The following LIMA1 variants were observed in gnomAD, a reference collection of about 807,000 sequenced individuals.
The protein encoded by LIMA1 is LIM domain and actin-binding protein 1.
A neutral mutation model predicts 62.6 loss-of-function variants in LIMA1; 52 were observed. The observed-to-expected ratio is 0.83, with a 90% confidence interval of 0.67 to 1.05. The LOEUF (loss-of-function observed/expected upper bound fraction) is 1.05. Among genes scored for constraint, LIMA1 ranks in the 50% least tolerant of loss-of-function variants. LIMA1 has a pLI of 0.00. For synonymous variants in LIMA1, 302 were observed against 317.8 expected (o/e 0.95, Z 0.53); for missense variants, 780 against 902.2 (o/e 0.86, Z 1.74).
chr12:50,266,579 A>C (rs575889753), intron 1 of LIMA1, among the ~76,000 whole-genome samples: 21 of 152,330 alleles, frequency 1.4e-4, no homozygotes, highest in Admixed American at 7.8e-4. Flanking sequence ...ATGAATAAGA[A>C]TGGAACAAAC....
chr12:50,189,395 C>T (rs1252545388), intron 9 of LIMA1: 4 of 152,110 alleles, frequency 2.6e-5, no homozygotes, highest in African/African-American at 9.7e-5. Context: ...GGTATAAGCA[C>T]GGCAGATATG....
At chr12:50,223,222 C>T (rs759488743) in intron 3 of LIMA1, among the ~76,000 whole-genome samples, 5 of 151,878 alleles carry the variant, frequency 3.3e-5, no homozygotes, top group Non-Finnish European at 5.9e-5. Context: ...CGGTGGCTCA[C>T]GCCTGTAATC....
At chr12:50,274,321 C>T (rs1942249977) in intron 1 of LIMA1, among the ~76,000 whole-genome samples, 1 of 152,194 alleles carries the variant, frequency 6.6e-6, no homozygotes, top group Admixed American at 6.5e-5. Context: ...CGCGATGGCT[C>T]ACGCCTGTAA....
chr12:50,190,890 G>A (rs1192246151), intron 9 of LIMA1, among the ~76,000 whole-genome samples: 1 of 151,150 alleles, frequency 6.6e-6, no homozygotes. Flanking sequence ...GGCCAAGGTG[G>A]GGGGATTACT....
intron 4 of LIMA1, among the ~76,000 whole-genome samples, chr12:50,211,209 G>A (rs1246653758): frequency 1.3e-5 from 2 of 151,456 alleles, no homozygotes; most frequent in African/African-American, 4.9e-5. Flanking sequence ...TGTAATCCCA[G>A]CTACTTGGGA....
At chr12:50,269,815 G>A (rs1480843746) in intron 1 of LIMA1, among the ~76,000 whole-genome samples, 2 of 150,442 alleles carry the variant, frequency 1.3e-5, no homozygotes, top group Non-Finnish European at 3.0e-5. Context: ...AACTACTTGG[G>A]AGGCTAAGGC....
At chr12:50,244,535 A>G (rs1288773689) in intron 2 of LIMA1, among the ~76,000 whole-genome samples, 1 of 152,166 alleles carries the variant, frequency 6.6e-6, no homozygotes, top group African/African-American at 2.4e-5. Context: ...CAGCGTGCCC[A>G]GCCAAAATAG....
At chr12:50,258,639 CTTTTT>C (rs34324226) in intron 1 of LIMA1, among the ~76,000 whole-genome samples, 84 of 67,398 alleles carry the variant, frequency 1.2e-3, no homozygotes, top group South Asian at 9.0e-3. Context: ...TCTACCTATA[CTTTTT>C]TTTTTTTTTT....
chr12:50,177,365 C>T lies in LIMA1; in HGVS notation c.1979G>A (p.Gly660Glu). ...TTCCTTACTTCTCTTCCCTGTCTCT[C>T]CTTTAGATTCTTTGTTTTGCCAGGT... The part of the protein sequence containing the change: ...KTTWQNKESK[G>E]ETGKRSKEGH... The change falls in exon 11 of 11, where the codon GGA (glycine) becomes GAA (glutamate). Residue 660 changes from glycine (G) to glutamate (E), a missense_variant. Gly to Glu is a moderately conservative substitution (Grantham distance 98, BLOSUM62 -2). Transcript: ENST00000341247. 1 of 1,614,216 alleles carries T rather than the reference C, an allele frequency of 6.2e-7. No homozygotes were observed. The highest frequency in any genetic ancestry group is 8.5e-7 in the Non-Finnish European group (1 of 1,180,050).
chr12:50,205,794 CAAAAAAAAAA>C (rs5798132), intron 5 of LIMA1, among the ~76,000 whole-genome samples, 180 bp downstream of exon 5: 4 of 80,182 alleles, frequency 5.0e-5, no homozygotes, highest in Non-Finnish European at 1.0e-4. Flanking sequence ...ACTTCCGTCT[CAAAAAAAAAA>C]AAAAAAAAAA....
At chr12:50,241,118 A>G (rs1306829286) in intron 2 of LIMA1, among the ~76,000 whole-genome samples, 1 of 152,082 alleles carries the variant, frequency 6.6e-6, no homozygotes, top group Non-Finnish European at 1.5e-5. Flanking sequence ...GGGCATTTGG[A>G]TTGTTTCCAG....
At chr12:50,250,406 A>G (rs1941913567) in intron 1 of LIMA1, among the ~76,000 whole-genome samples, 1 of 151,548 alleles carries the variant, frequency 6.6e-6, no homozygotes. Context: ...CCTGGGTAAC[A>G]TAGCAAGACC....
At chr12:50,238,741 T>G (rs904133337) in intron 2 of LIMA1, among the ~76,000 whole-genome samples, 3 of 151,312 alleles carry the variant, frequency 2.0e-5, no homozygotes, top group Non-Finnish European at 4.4e-5. Flanking sequence ...TCCCAGCTAT[T>G]GAGGAGGCTG....
intron 3 of LIMA1, among the ~76,000 whole-genome samples, chr12:50,230,466 G>A (rs1941593426): frequency 6.6e-6 from 1 of 152,120 alleles, no homozygotes; most frequent in Non-Finnish European, 1.5e-5. Flanking sequence ...ACAGTGAAGG[G>A]AAGGAAGAAA....
In LIMA1 at chr12:50,262,903, C is replaced by T. The variant is rs536638509; in HGVS notation, c.-23-14129G>A. ...GCAACATAAAATATTTCTTATATTGCCCACTTCAATTTCATGTTGCCATTC... is the reference window on the plus strand; with the variant it reads ...GCAACATAAAATATTTCTTATATTGTCCACTTCAATTTCATGTTGCCATTC... On this transcript the variant is annotated intron_variant, in intron 1 of 10. Transcript: ENST00000341247. Among the ~76,000 whole-genome samples, 14 of 152,228 alleles carry T rather than the reference C, an allele frequency of 9.2e-5. 1 individual carries two copies. In the South Asian group the frequency reaches 2.9e-3, roughly 32 times the overall value.
At chr12:50,277,961 T>G (rs1284480765) in intron 1 of LIMA1, among the ~76,000 whole-genome samples, 1 of 152,224 alleles carries the variant, frequency 6.6e-6, no homozygotes, top group African/African-American at 2.4e-5. Context: ...CATTTCTGCC[T>G]ATCAAATTAG....
At chr12:50,210,792 G>GTA (rs1941242758) in intron 4 of LIMA1, among the ~76,000 whole-genome samples, 1 of 152,030 alleles carries the variant, frequency 6.6e-6, no homozygotes, top group African/African-American at 2.4e-5. Flanking sequence ...TGCTCCATGG[G>GTA]GGTATCAAAA....
intron 2 of LIMA1, among the ~76,000 whole-genome samples, chr12:50,247,894 G>T (rs1361879968): frequency 6.6e-6 from 1 of 152,044 alleles, no homozygotes; most frequent in Non-Finnish European, 1.5e-5. Context: ...CTCCCAAAGT[G>T]CTGGGATCAC....
intron 1 of LIMA1, among the ~76,000 whole-genome samples, chr12:50,249,454 T>C (rs1941897045): frequency 6.6e-6 from 1 of 152,170 alleles, no homozygotes; most frequent in African/African-American, 2.4e-5. Flanking sequence ...TTAAGAGCAT[T>C]TTAAGTATAA....
Sources: allele counts gnomAD v4.1 joint callset (sites outside exome capture counted in the v4.1 genomes callset), GRCh38; gene constraint gnomAD v4.1.1; transcripts MANE v1.5; gene names NCBI Gene and HGNC (gene_info 2026-07-23, HGNC 2026-07-21).